Variants in CCDC57 observed in about 807,000 individuals in gnomAD.
CCDC57 encodes coiled-coil domain-containing protein 57.
CCDC57 carries 118 observed loss-of-function variants against 118.9 expected under a neutral mutation model. The observed-to-expected ratio is 0.99, with a 90% CI of 0.86 to 1.16. CCDC57 has a LOEUF of 1.16. CCDC57 is among the 50% of genes most tolerant of loss of function. CCDC57 has a pLI of 0.00. For missense variants in CCDC57, 1,300 were observed against 1,320.7 expected (o/e 0.98, Z 0.24); for synonymous variants, 527 against 532.9 (o/e 0.99, Z 0.15).
intron 14 of CCDC57, among the ~76,000 whole-genome samples, chr17:82,162,292 C>CACTGCG (rs2043442050): frequency 6.6e-6 from 1 of 152,148 alleles, no homozygotes; most frequent in Non-Finnish European, 1.5e-5. Flanking sequence ...AGGTGTGAGC[C>CACTGCG]CCCATGCCTG....
At chr17:82,178,273 C>T (rs1599187144) in intron 11 of CCDC57, among the ~76,000 whole-genome samples, 1 of 152,166 alleles carries the variant, frequency 6.6e-6, no homozygotes, top group African/African-American at 2.4e-5. Context: ...TTAAAACTTT[C>T]GAATATGAAA....
intron 18 of CCDC57, 140 bp from the exon 18 acceptor site, chr17:82,128,048 C>T: frequency 1.6e-6 from 2 of 1,274,244 alleles, no homozygotes; most frequent in Non-Finnish European, 2.1e-6. Context: ...CCCAGGATCA[C>T]CCAGGAGAGG....
rs537416558 is a variant in CCDC57, at chr17:82,205,635, G to A, written c.-9+2212C>T. The stretch of plus-strand genomic sequence containing the variant: ...TTCCCACCAGGTCTCAGGACTCAGC[G>A]GGTCACCCTGTTTTCAAAAGCTTCA... On this transcript the variant is annotated intron_variant, in intron 2 of 19. Transcript: ENST00000665763. Among the ~76,000 whole-genome samples, 11 of 152,192 alleles carry A rather than the reference G, an allele frequency of 7.2e-5. No homozygotes were observed. In the South Asian group the frequency reaches 1.9e-3, roughly 26 times the overall value.
chr17:82,151,089 G>A (rs1283291685), intron 16 of CCDC57, among the ~76,000 whole-genome samples: 2 of 80,980 alleles, frequency 2.5e-5, no homozygotes, highest in African/African-American at 4.4e-5. Flanking sequence ...TCAGAACCTG[G>A]TGCACACCCA....
At chr17:82,121,565 A>G (rs2036686265) in intron 19 of CCDC57, among the ~76,000 whole-genome samples, 1 of 152,208 alleles carries the variant, frequency 6.6e-6, no homozygotes, top group African/African-American at 2.4e-5. Flanking sequence ...AAGATTCAGG[A>G]GAGAGAGGCC....
intron 1 of CCDC57, among the ~76,000 whole-genome samples, chr17:82,209,257 CA>C (rs920684524): frequency 1.3e-5 from 2 of 151,180 alleles, no homozygotes; most frequent in East Asian, 1.9e-4. Flanking sequence ...GTGCATTTGC[CA>C]AAAAAAAGTG....
intron 17 of CCDC57, among the ~76,000 whole-genome samples, chr17:82,131,495 A>T (rs979094644): frequency 2.6e-5 from 4 of 151,792 alleles, no homozygotes; most frequent in African/African-American, 9.7e-5. Flanking sequence ...TAATCCCAGC[A>T]TTTGGGAGGC....
At chr17:82,163,653 GA>G (rs1243355782) in intron 13 of CCDC57, among the ~76,000 whole-genome samples, 2 of 152,062 alleles carry the variant, frequency 1.3e-5, no homozygotes, top group African/African-American at 4.8e-5. Flanking sequence ...TCCAAGTAAA[GA>G]GCCACTTGCT....
At chr17:82,110,478 A>C (rs555869274) in intron 19 of CCDC57, among the ~76,000 whole-genome samples, 26 of 152,302 alleles carry the variant, frequency 1.7e-4, no homozygotes, top group Non-Finnish European at 5.9e-5. Flanking sequence ...AAACTCATTC[A>C]TCAACGGGGA....
intron 16 of CCDC57, among the ~76,000 whole-genome samples, chr17:82,140,286 C>T (rs1367012713): frequency 1.3e-5 from 2 of 152,166 alleles, no homozygotes; most frequent in African/African-American, 4.8e-5. Flanking sequence ...CGGGGTTTCA[C>T]CATGTTAGCC....
exon 6 of CCDC57, chr17:82,194,128 C>T (rs1487438094): frequency 1.2e-6 from 2 of 1,613,042 alleles, no homozygotes; most frequent in Non-Finnish European, 1.7e-6. Flanking sequence ...GCTCTTTGTG[C>T]AGTAGTTTAA....
chr17:82,179,259 G>A (rs1032957605), intron 9 of CCDC57, 70 bp from the exon 9 acceptor site: 14 of 1,527,570 alleles, frequency 9.2e-6, no homozygotes, highest in East Asian at 2.3e-5. Context: ...GCAGAGGCAC[G>A]ATGGGAAAGG....
At position 82,134,058 on chromosome 17, in the gene CCDC57, A is replaced by G; in HGVS notation, c.2577+15T>C. Reference sequence around the variant, plus strand: ...ATATTTTTAAAAATGCATGTCTTAGATGAAGGGGTGTTACCTGAGATGTAA... The same window carrying G: ...ATATTTTTAAAAATGCATGTCTTAGGTGAAGGGGTGTTACCTGAGATGTAA... On this transcript the variant is annotated intron_variant, in intron 17 of 19. Transcript: ENST00000665763. 2 of 1,377,964 alleles carry G rather than the reference A, an allele frequency of 1.5e-6. No homozygotes were observed. Among genetic ancestry groups the G allele is most frequent in the Non-Finnish European group, 1.9e-6 (2 of 1,063,216 alleles). 85.4% of individuals were successfully genotyped at this position (1,377,964 alleles called of 1,614,324 possible). A position where few individuals can be genotyped will look rare whatever the true frequency, so the allele number is the denominator to read the frequency against.
At chr17:82,184,133 A>G (rs926076242) in intron 8 of CCDC57, among the ~76,000 whole-genome samples, 9 of 151,442 alleles carry the variant, frequency 5.9e-5, no homozygotes, top group Non-Finnish European at 1.5e-5. Context: ...GGTTCCGCAC[A>G]GGAAGAATTA....
intron 16 of CCDC57, among the ~76,000 whole-genome samples, chr17:82,147,626 C>CGGGG (rs1598896874): frequency 6.7e-5 from 1 of 14,904 alleles, no homozygotes; most frequent in African/African-American, 2.6e-4. Context: ...GATGATTGGG[C>CGGGG]GGGTGGGTGG....
At position 82,211,814 on chromosome 17, in the gene CCDC57, A is replaced by T. The variant is rs188672737; in HGVS notation, c.-211+971T>A. Among the ~76,000 whole-genome samples, 219 of 152,180 alleles carry T rather than the reference A, an allele frequency of 1.4e-3. 1 individual carries two copies. Among genetic ancestry groups the T allele is most frequent in the African/African-American group, 4.8e-3 (198 of 41,532 alleles). On this transcript the variant is annotated intron_variant, in intron 1 of 19. Transcript: ENST00000665763. ...GAATGCGCTTACTGATAAAATACTGATAAGAAACTGGAGCAAGCTGTACCA... is the reference window on the plus strand; with the variant it reads ...GAATGCGCTTACTGATAAAATACTGTTAAGAAACTGGAGCAAGCTGTACCA...
rs371022280 is a variant in CCDC57, at chr17:82,195,226, C to T, written c.618+37G>A. On this transcript the variant is annotated intron_variant, in intron 5 of 19. Coordinates refer to ENST00000665763, the Ensembl canonical transcript of CCDC57. ...CCACCACACCTGACCAAGGAAAAAC[C>T]GAAAAACCTTCACGACCCAAGGGTG... The T allele has an allele frequency of 3.5e-5, 52 of 1,504,016 alleles. No individual in the cohort carries two copies. In the African/African-American group the frequency reaches 3.6e-4, roughly 10 times the overall value. 93.2% of individuals were successfully genotyped at this position (1,504,016 alleles called of 1,614,324 possible).
chr17:82,183,938 CAT>C lies in CCDC57; in HGVS notation c.1053-8_1053-7del. On this transcript the variant is annotated splice_region_variant and splice_polypyrimidine_tract_variant and intron_variant, in intron 8 of 19. Transcript: ENST00000665763. Reference sequence around the variant, plus strand: ...TTGATGCATCTTCACGAAGTCTAAACATAGAAGGGAAACTATGTAGATGTGGT... The same window carrying C: ...TTGATGCATCTTCACGAAGTCTAAACAGAAGGGAAACTATGTAGATGTGGT... 6.2e-7 allele frequency: 1 copy of C among 1,605,540 alleles called. No individual in the cohort carries two copies. The highest frequency in any genetic ancestry group is 8.5e-7 in the Non-Finnish European group (1 of 1,174,036).
At chr17:82,115,951 C>G (rs2035848996) in intron 19 of CCDC57, among the ~76,000 whole-genome samples, 1 of 151,214 alleles carries the variant, frequency 6.6e-6, no homozygotes, top group Admixed American at 6.6e-5. Context: ...GTGCCTGCAA[C>G]CGTGCCAGGC....
Sources: gnomAD v4.1 joint callset for allele counts (sites outside exome capture counted in the v4.1 genomes callset) on GRCh38, gnomAD v4.1.1 for gene constraint, MANE v1.5 for transcripts, NCBI Gene and HGNC (gene_info 2026-07-23, HGNC 2026-07-21) for gene names.